Variants in SHB observed in about 807,000 individuals in gnomAD.
SHB encodes SH2 domain containing adaptor protein B.
A neutral mutation model predicts 52.3 loss-of-function variants in SHB; 20 were observed. The ratio of observed to expected loss-of-function variants is 0.38; its 90% CI spans 0.27 to 0.56. The LOEUF (loss-of-function observed/expected upper bound fraction) is 0.56, where lower values mean the gene tolerates loss of function less well. SHB is among the 20% of genes least tolerant of loss of function. SHB has a pLI of 0.71. For synonymous variants in SHB, 397 were observed against 316.5 expected (o/e 1.25, Z -2.70); for missense variants, 825 against 723.3 (o/e 1.14, Z -1.61).
intron 2 of SHB, among the ~76,000 whole-genome samples, chr9:37,995,018 GTA>G (rs1266918595): frequency 3.9e-5 from 6 of 152,142 alleles, no homozygotes; most frequent in African/African-American, 7.2e-5. Flanking sequence ...GTTTCATTAA[GTA>G]TATCATCTGC....
chr9:37,935,829 C>A (rs924158828), intron 5 of SHB, among the ~76,000 whole-genome samples: 33 of 151,966 alleles, frequency 2.2e-4, no homozygotes, highest in Admixed American at 5.2e-4. Flanking sequence ...AACTGAGGCA[C>A]AGAGAAGTTA....
At chr9:38,001,027 G>A (rs938383800) in intron 2 of SHB, among the ~76,000 whole-genome samples, 7 of 152,190 alleles carry the variant, frequency 4.6e-5, no homozygotes, top group East Asian at 1.9e-4. Context: ...GTATGTAAAC[G>A]CATGGGGCAC....
chr9:37,934,919 C>T (rs1185841151), intron 5 of SHB, among the ~76,000 whole-genome samples: 2 of 152,166 alleles, frequency 1.3e-5, no homozygotes, highest in African/African-American at 2.4e-5. Flanking sequence ...TCCCCCTGCA[C>T]GTCTGCAAGT....
chr9:37,940,587 C>T (rs1832424153), intron 5 of SHB, among the ~76,000 whole-genome samples: 2 of 152,314 alleles, frequency 1.3e-5, no homozygotes, highest in East Asian at 1.9e-4. Flanking sequence ...GACAGACCCC[C>T]TCTTCCCCCA....
In SHB at chr9:37,918,843, TG is replaced by T. The variant is rs202172877; in HGVS notation, c.*977del. Reference sequence around the variant, plus strand: ...ACGTCCCACTGCAGGAGGGAAAGACTGGTTTTTTGGTCAACACTGGAGGCTC... The same window carrying T: ...ACGTCCCACTGCAGGAGGGAAAGACTGTTTTTTGGTCAACACTGGAGGCTC... On this transcript the variant is annotated 3_prime_UTR_variant, in exon 6 of 6. Coordinates refer to ENST00000377707, the MANE Select transcript of SHB (RefSeq NM_003028.3). Among the ~76,000 whole-genome samples, 3,145 of 152,282 alleles carry T rather than the reference TG, an allele frequency of 0.021. 99 individuals carry two copies. The highest frequency in any genetic ancestry group is 0.07 in the African/African-American group (2,910 of 41,558).
chr9:37,985,047 C>T (rs1207345632), intron 2 of SHB, among the ~76,000 whole-genome samples: 1 of 152,214 alleles, frequency 6.6e-6, no homozygotes, highest in Non-Finnish European at 1.5e-5. Context: ...AGGAGACTGA[C>T]TAATTGGAGT....
chr9:37,918,112 A>T lies in SHB; in HGVS notation c.*1709T>A, dbSNP rs706148. Among the ~76,000 whole-genome samples the T allele has an allele frequency of 5.9e-3, 903 of 152,364 alleles. 7 individuals are homozygous for T. Among genetic ancestry groups the T allele is most frequent in the African/African-American group, 0.021 (862 of 41,580 alleles). ...GCTGATGTCTGAACCTGCTGATGAC[A>T]TTCAAACTCGGCCCCTTGTGCTCTG... On this transcript the variant is annotated 3_prime_UTR_variant, in exon 6 of 6. Coordinates refer to ENST00000377707, the MANE Select transcript of SHB (RefSeq NM_003028.3).
chr9:37,975,398 C>T (rs1820642709), intron 2 of SHB, among the ~76,000 whole-genome samples: 2 of 152,204 alleles, frequency 1.3e-5, no homozygotes, highest in South Asian at 4.1e-4. Flanking sequence ...CCCTTTATTT[C>T]TACCTCCCCC....
intron 5 of SHB, among the ~76,000 whole-genome samples, chr9:37,942,903 G>A (rs78193566): frequency 0.012 from 1,780 of 152,106 alleles, 32 homozygotes; most frequent in East Asian, 0.084. Context: ...GGAGGGGAAG[G>A]GGGGGATCAC....
At chr9:37,978,187 C>T (rs1021609317) in intron 2 of SHB, among the ~76,000 whole-genome samples, 1 of 152,220 alleles carries the variant, frequency 6.6e-6, no homozygotes, top group South Asian at 2.1e-4. Flanking sequence ...TCTCCATAAA[C>T]ACCAGCCTTA....
At chr9:38,037,132 C>T (rs1168675677) in intron 1 of SHB, among the ~76,000 whole-genome samples, 1 of 152,202 alleles carries the variant, frequency 6.6e-6, no homozygotes, top group East Asian at 1.9e-4. Flanking sequence ...TAGGCTGACA[C>T]AACTCCCTCT....
At chr9:38,027,877 C>T (rs1821364373) in intron 1 of SHB, among the ~76,000 whole-genome samples, 2 of 152,006 alleles carry the variant, frequency 1.3e-5, no homozygotes, top group African/African-American at 4.8e-5. Context: ...ACAGCATCTG[C>T]TGCCCAGGGC....
intron 1 of SHB, among the ~76,000 whole-genome samples, chr9:38,042,754 T>C (rs1821599551): frequency 6.6e-6 from 1 of 152,168 alleles, no homozygotes; most frequent in Non-Finnish European, 1.5e-5. Context: ...AAGCATGGGC[T>C]TTCCTGGGGC....
intron 2 of SHB, among the ~76,000 whole-genome samples, chr9:37,984,111 C>G (rs771189490): frequency 6.6e-6 from 1 of 152,198 alleles, no homozygotes; most frequent in Non-Finnish European, 1.5e-5. Context: ...TCAAGTGTTT[C>G]GAACAGTGCC....
rs547006492 is a variant in SHB, at chr9:38,017,023, C to T, written c.718-892G>A. Among the ~76,000 whole-genome samples the T allele has an allele frequency of 9.2e-5, 14 of 152,352 alleles. No individual in the cohort carries two copies. In the South Asian group the frequency reaches 2.7e-3, roughly 29 times the overall value. Reference sequence around the variant, plus strand: ...TAACACTTCAGAGACCACCGTTCCACGTTTTCCCTGGAGAAGAGTAAAAAT... The same window carrying T: ...TAACACTTCAGAGACCACCGTTCCATGTTTTCCCTGGAGAAGAGTAAAAAT... On this transcript the variant is annotated intron_variant, in intron 1 of 5. Transcript: ENST00000377707.
chr9:37,965,283 G>C (rs1470489335), intron 3 of SHB, among the ~76,000 whole-genome samples: 1 of 152,200 alleles, frequency 6.6e-6, no homozygotes, highest in Non-Finnish European at 1.5e-5. Context: ...CAACACACCA[G>C]TCTCCAGGCC....
chr9:37,971,193 G>A (rs1377461753), intron 3 of SHB, among the ~76,000 whole-genome samples: 1 of 152,176 alleles, frequency 6.6e-6, no homozygotes, highest in Non-Finnish European at 1.5e-5. Context: ...AAGTGTGAGT[G>A]CATACACTTG....
chr9:38,039,733 G>C (rs747248475), intron 1 of SHB, among the ~76,000 whole-genome samples: 30 of 152,250 alleles, frequency 2.0e-4, no homozygotes, highest in Non-Finnish European at 3.7e-4. Context: ...GGGAAGCTCA[G>C]CTCCCTCATG....
intron 2 of SHB, among the ~76,000 whole-genome samples, chr9:37,996,535 A>G (rs2085600567): frequency 6.6e-6 from 1 of 152,258 alleles, no homozygotes; most frequent in South Asian, 2.1e-4. Context: ...ATGAACACTT[A>G]GATGAGAGTC....
Sources: allele counts gnomAD v4.1 joint callset (sites outside exome capture counted in the v4.1 genomes callset), GRCh38; gene constraint gnomAD v4.1.1; transcripts MANE v1.5; gene names NCBI Gene and HGNC (gene_info 2026-07-23, HGNC 2026-07-21).